Variants in UBE2V1 observed in about 807,000 individuals in gnomAD.
UBE2V1 encodes the protein ubiquitin conjugating enzyme E2 V1.
A neutral mutation model predicts 19.6 loss-of-function variants in UBE2V1; 15 were observed. That is an observed-to-expected ratio of 0.77 (90% CI 0.51 to 1.18). The LOEUF (loss-of-function observed/expected upper bound fraction) is 1.18. Among genes scored for constraint, UBE2V1 ranks in the 50% most tolerant of loss-of-function variants. The pLI is 0.00. For synonymous variants in UBE2V1, 60 were observed against 60.7 expected (o/e 0.99, Z 0.05); for missense variants, 125 against 184.8 (o/e 0.68, Z 1.88).
At chr20:50,106,867 ACAAC>A (rs1421392845) in intron 1 of UBE2V1, among the ~76,000 whole-genome samples, 6 of 94,534 alleles carry the variant, frequency 6.3e-5, no homozygotes, top group African/African-American at 3.1e-4. Flanking sequence ...AACAACAACA[ACAAC>A]AACAAAAAAA....
chr20:50,096,665 C>T lies in UBE2V1; in HGVS notation c.171+7G>A, dbSNP rs780814088. On this transcript the variant is annotated splice_region_variant and intron_variant, in intron 2 of 3. Coordinates refer to ENST00000371674, the MANE Select transcript of UBE2V1 (RefSeq NM_001032288.3). Reference sequence around the variant, plus strand: ...ATTGACATTTATAGCCGTAGCTCGACGCTTACTCTTGGAGGCCCAATTATC... The same window carrying T: ...ATTGACATTTATAGCCGTAGCTCGATGCTTACTCTTGGAGGCCCAATTATC... The T allele has an allele frequency of 7.4e-6, 12 of 1,613,464 alleles. No homozygotes were observed. Among genetic ancestry groups the T allele is most frequent in the East Asian group, 4.5e-5 (2 of 44,884 alleles).
chr20:50,102,020 G>A (rs998190581), intron 1 of UBE2V1, among the ~76,000 whole-genome samples: 1 of 152,160 alleles, frequency 6.6e-6, no homozygotes, highest in African/African-American at 2.4e-5. Flanking sequence ...GCTCAGAGTA[G>A]GGCAAGAGAT....
chr20:50,103,234 T>A (rs1000139210), intron 1 of UBE2V1, among the ~76,000 whole-genome samples: 1 of 152,222 alleles, frequency 6.6e-6, no homozygotes, highest in Admixed American at 6.5e-5. Context: ...AATTAATGAA[T>A]GACTAGGTAT....
intron 1 of UBE2V1, 121 bp from the exon 2 acceptor site, chr20:50,096,941 A>G (rs2079662784): frequency 6.7e-7 from 1 of 1,486,022 alleles, no homozygotes; most frequent in African/African-American, 1.4e-5. Context: ...AAAATCACGG[A>G]AAGTTATCAC....
At chr20:50,113,671 T>G (rs954377122), upstream of UBE2V1, among the ~76,000 whole-genome samples, 1 of 152,184 alleles carries the variant, frequency 6.6e-6, no homozygotes, top group Non-Finnish European at 1.5e-5. Context: ...CTCCTAGGAT[T>G]GATGCTCCCC....
At chr20:50,113,233 A>T (rs905843434), upstream of UBE2V1, 160 of 915,830 alleles carry the variant, frequency 1.7e-4, no homozygotes, top group East Asian at 4.6e-3. Flanking sequence ...GCCGCCGCTG[A>T]CGCCCGCCCC....
In UBE2V1 at chr20:50,096,656, G is replaced by A. The variant is rs375831509; in HGVS notation, c.171+16C>T. On this transcript the variant is annotated intron_variant, in intron 2 of 3. Transcript: ENST00000371674. ...ATTTAAGACATTGACATTTATAGCC[G>A]TAGCTCGACGCTTACTCTTGGAGGC... The A allele has an allele frequency of 8.9e-5, 143 of 1,612,574 alleles. No individual in the cohort carries two copies. The highest frequency in any genetic ancestry group is 1.2e-4 in the Non-Finnish European group (138 of 1,179,340).
chr20:50,111,403 G>T, intron 1 of UBE2V1: 1 of 1,000,270 alleles, frequency 1.0e-6, no homozygotes, highest in African/African-American at 1.7e-5. Context: ...CTTATTGCTG[G>T]CTACCACCAG....
At chr20:50,113,841 A>G (rs775892273), upstream of UBE2V1, among the ~76,000 whole-genome samples, 1 of 152,148 alleles carries the variant, frequency 6.6e-6, no homozygotes, top group Non-Finnish European at 1.5e-5. Flanking sequence ...AGCACCTACT[A>G]TGTACCAGAC....
chr20:50,090,569 A>G (rs1283878740), intron 2 of UBE2V1, among the ~76,000 whole-genome samples: 1 of 152,198 alleles, frequency 6.6e-6, no homozygotes, highest in East Asian at 1.9e-4. Context: ...ACAGAAAGAC[A>G]AAAAGTGTAT....
intron 3 of UBE2V1, chr20:50,083,607 C>T (rs1475672707): frequency 6.5e-6 from 1 of 153,166 alleles, no homozygotes; most frequent in East Asian, 1.9e-4. Context: ...GCCTCAAAGG[C>T]TCAAAGCTTT....
Position 50,113,135 on chromosome 20 carries a change from T to C in UBE2V1, c.-7A>G. On this transcript the variant is annotated 5_prime_UTR_variant, in exon 1 of 4. Transcript: ENST00000371674. ...AGCCCGTGGTGGCTGCCATCTTGCGTCGCTCTTGCTTGAAGGCCGGCCCCT... is the reference window on the plus strand; with the variant it reads ...AGCCCGTGGTGGCTGCCATCTTGCGCCGCTCTTGCTTGAAGGCCGGCCCCT... The C allele has an allele frequency of 7.3e-7, 1 of 1,371,158 alleles. No individual in the cohort carries two copies. Among genetic ancestry groups the C allele is most frequent in the Non-Finnish European group, 9.5e-7 (1 of 1,049,226 alleles). 84.9% of individuals were successfully genotyped at this position (1,371,158 alleles called of 1,614,324 possible).
intron 1 of UBE2V1, chr20:50,111,278 G>GAAGCACTC (rs1223800287): frequency 9.1e-6 from 9 of 986,910 alleles, no homozygotes; most frequent in Non-Finnish European, 8.4e-6. Flanking sequence ...AGCCATTTAT[G>GAAGCACTC]AAGCACTCAC....
rs2079306388 is a variant in UBE2V1 at position 50,092,561 on chromosome 20, C to T, written c.171+4111G>A. Among the ~76,000 whole-genome samples, 3 of 152,264 alleles carry T rather than the reference C, an allele frequency of 2.0e-5. No individual in the cohort carries two copies. In the South Asian group the frequency reaches 6.2e-4, roughly 32 times the overall value. On this transcript the variant is annotated intron_variant, in intron 2 of 3. Transcript: ENST00000371674. ...GCACTCTCATGACAAAGAAAAGAACCAGCCCTACATGCCACGTCTGAGAAA... is the reference window on the plus strand; with the variant it reads ...GCACTCTCATGACAAAGAAAAGAACTAGCCCTACATGCCACGTCTGAGAAA...
At chr20:50,111,816 T>C in intron 1 of UBE2V1, among the ~76,000 whole-genome samples, 1 of 152,220 alleles carries the variant, frequency 6.6e-6, no homozygotes, top group East Asian at 1.9e-4. Flanking sequence ...CTGCCGCTGC[T>C]GTGGCCTTAA....
intron 1 of UBE2V1, among the ~76,000 whole-genome samples, chr20:50,102,557 T>G (rs771428444): frequency 6.6e-6 from 1 of 152,138 alleles, no homozygotes; most frequent in Non-Finnish European, 1.5e-5. Context: ...CATGCCTGAC[T>G]AATTTTGTAT....
intron 1 of UBE2V1, among the ~76,000 whole-genome samples, chr20:50,111,897 T>G (rs768578594): frequency 6.6e-6 from 1 of 152,178 alleles, no homozygotes; most frequent in African/African-American, 2.4e-5. Context: ...GTGGCCCTGT[T>G]TGCTTCCTCC....
intron 1 of UBE2V1, chr20:50,111,189 C>T (rs982280008): frequency 3.3e-5 from 31 of 950,902 alleles, no homozygotes; most frequent in Non-Finnish European, 3.8e-5. Flanking sequence ...CACCTCAAAG[C>T]CTGTCCTATG....
intron 2 of UBE2V1, chr20:50,095,373 G>T (rs545702017): frequency 6.6e-6 from 1 of 152,124 alleles, no homozygotes; most frequent in Non-Finnish European, 1.5e-5. Context: ...TTTAGCAGAC[G>T]CAGAAAATTC....
Sources: allele counts gnomAD v4.1 joint callset (sites outside exome capture counted in the v4.1 genomes callset), GRCh38; gene constraint gnomAD v4.1.1; transcripts MANE v1.5; gene names NCBI Gene and HGNC (gene_info 2026-07-23, HGNC 2026-07-21).